The following MAPK4 variants were observed in gnomAD, a reference collection of about 807,000 sequenced individuals.
The protein encoded by MAPK4 is mitogen-activated protein kinase 4, also known as Erk3-related.
MAPK4 carries 22 observed loss-of-function variants against 47.7 expected under a neutral mutation model. That is an observed-to-expected ratio of 0.46 (90% CI 0.33 to 0.66). The LOEUF (loss-of-function observed/expected upper bound fraction) is 0.66, where lower values mean the gene tolerates loss of function less well. Among genes scored for constraint, MAPK4 ranks in the 30% least tolerant of loss-of-function variants. The probability of loss-of-function intolerance (pLI) is 0.02; values close to 1 mark genes in which losing one functional copy is unlikely to be tolerated. For missense variants in MAPK4, 736 were observed against 831.7 expected, an observed-to-expected ratio of 0.88 and a Z score of 1.42; for synonymous variants, 390 against 365.7, an observed-to-expected ratio of 1.07 and a Z score of -0.76.
intron 1 of MAPK4, among the ~76,000 whole-genome samples, chr18:50,656,693 G>C (rs2043113196): frequency 6.6e-6 from 1 of 152,124 alleles, no homozygotes; most frequent in Non-Finnish European, 1.5e-5. Flanking sequence ...GACTCACCCT[G>C]CTTCCTGCTA....
At chr18:50,702,082 A>T (rs1379594378) in intron 2 of MAPK4, among the ~76,000 whole-genome samples, 1 of 144,402 alleles carries the variant, frequency 6.9e-6, no homozygotes, top group Non-Finnish European at 1.5e-5. Context: ...GGATCGCTTG[A>T]GCCCAGGAGG....
At chr18:50,570,969 C>T (rs1043856350) in intron 1 of MAPK4, among the ~76,000 whole-genome samples, 2 of 151,892 alleles carry the variant, frequency 1.3e-5, no homozygotes, top group African/African-American at 4.8e-5. Flanking sequence ...TTTTTGAGTA[C>T]CTTTTTCCCT....
rs533571058 is a variant in MAPK4, at chr18:50,723,611, C to T, written c.853+1512C>T. 5.9e-5 allele frequency among the ~76,000 whole-genome samples: 9 copies of T among 152,228 alleles called. No individual in the cohort carries two copies. The South Asian group carries it at 1.9e-3, about 32-fold the overall frequency. On this transcript the variant is annotated intron_variant, in intron 4 of 5. Transcript: ENST00000400384. ...GGTGTGGTGGCTCAAGCCTGTAATC[C>T]CAGCACTTTGGGAGGCCGAGGCGGG...
At chr18:50,673,805 G>A (rs1386736989) in intron 2 of MAPK4, among the ~76,000 whole-genome samples, 6 of 152,240 alleles carry the variant, frequency 3.9e-5, no homozygotes, top group Admixed American at 2.0e-4. Flanking sequence ...GCAGTGAGCC[G>A]AGATTGTGCC....
At chr18:50,563,359 T>C (rs1598772790) in intron 1 of MAPK4, among the ~76,000 whole-genome samples, 2 of 152,318 alleles carry the variant, frequency 1.3e-5, no homozygotes, top group South Asian at 4.1e-4. Flanking sequence ...TAGAGTACTT[T>C]AGGTATTTGA....
At chr18:50,654,453 C>A (rs2043085509) in intron 1 of MAPK4, among the ~76,000 whole-genome samples, 1 of 152,208 alleles carries the variant, frequency 6.6e-6, no homozygotes, top group Non-Finnish European at 1.5e-5. Context: ...AGAACACAGC[C>A]CAAACAAAGC....
intron 1 of MAPK4, among the ~76,000 whole-genome samples, chr18:50,589,564 C>A (rs1257733645): frequency 6.7e-6 from 1 of 149,266 alleles, no homozygotes; most frequent in Non-Finnish European, 1.5e-5. Context: ...CCACTGCACT[C>A]CAGCCTGGGC....
chr18:50,628,365 G>T (rs190071426), intron 1 of MAPK4, among the ~76,000 whole-genome samples: 1 of 152,254 alleles, frequency 6.6e-6, no homozygotes, highest in Middle Eastern at 3.4e-3. Context: ...TTCCATTGCC[G>T]TCTGATCTCG....
chr18:50,637,463 T>G (rs2042897824), intron 1 of MAPK4, among the ~76,000 whole-genome samples: 1 of 152,136 alleles, frequency 6.6e-6, no homozygotes, highest in African/African-American at 2.4e-5. Context: ...TCAAAACCCC[T>G]CACTCTTAAC....
In MAPK4 at chr18:50,724,792, C is replaced by T. The variant is rs550939399; in HGVS notation, c.854-1170C>T. Among the ~76,000 whole-genome samples, 3 of 152,316 alleles carry T rather than the reference C, an allele frequency of 2.0e-5. No individual in the cohort carries two copies. In the South Asian group the frequency reaches 6.2e-4, roughly 32 times the overall value. On this transcript the variant is annotated intron_variant, in intron 4 of 5. Transcript: ENST00000400384. ...GGCAGGTTAATGGTGCAGGCTGAGG[C>T]CCACGAGGGAGCTCCTCGGAGGGAT...
At chr18:50,605,801 C>T (rs2042577877) in intron 1 of MAPK4, among the ~76,000 whole-genome samples, 1 of 152,178 alleles carries the variant, frequency 6.6e-6, no homozygotes, top group Non-Finnish European at 1.5e-5. Context: ...CTGGTTGCCA[C>T]TCTCCTGCTC....
rs74720647 is a variant in MAPK4, at chr18:50,580,830, C to T, written c.-871+20587C>T. Among the ~76,000 whole-genome samples, 100 of 152,310 alleles carry T rather than the reference C, an allele frequency of 6.6e-4. No individual in the cohort carries two copies. In the East Asian group the frequency reaches 0.016, roughly 24 times the overall value. On this transcript the variant is annotated intron_variant, in intron 1 of 5. Coordinates refer to ENST00000400384, the MANE Select transcript of MAPK4 (RefSeq NM_002747.4). ...TAAATCTTAGGGCAGAAACTTAAAT[C>T]GATTACAGAACTTCTTTTATACCCC...
intron 1 of MAPK4, among the ~76,000 whole-genome samples, chr18:50,657,733 G>A (rs935652101): frequency 2.6e-5 from 4 of 151,774 alleles, no homozygotes; most frequent in Admixed American, 6.6e-5. Context: ...CTAGGAGGCC[G>A]AGGCAAGGGA....
chr18:50,618,975 C>G (rs1284145227), intron 1 of MAPK4, among the ~76,000 whole-genome samples: 1 of 152,046 alleles, frequency 6.6e-6, no homozygotes, highest in Non-Finnish European at 1.5e-5. Context: ...TTTCTACGAC[C>G]TAGATTGGTT....
chr18:50,665,655 G>T (rs1907560276), intron 2 of MAPK4, among the ~76,000 whole-genome samples: 1 of 152,212 alleles, frequency 6.6e-6, no homozygotes, highest in African/African-American at 2.4e-5. Flanking sequence ...ATCACAGGGG[G>T]CAGGGAGCAG....
rs188073355 is a variant in MAPK4, at chr18:50,567,229, A to G, written c.-871+6986A>G. On this transcript the variant is annotated intron_variant, in intron 1 of 5. Coordinates refer to ENST00000400384, the MANE Select transcript of MAPK4 (RefSeq NM_002747.4). ...TACATTAGGTATTTCTTCTAATGCT[A>G]TCCCTCCCCTAACCCCCACTCCCTG... Among the ~76,000 whole-genome samples, 24 of 152,064 alleles carry G rather than the reference A, an allele frequency of 1.6e-4. 1 individual carries two copies. The East Asian group carries it at 4.4e-3, about 28-fold the overall frequency.
chr18:50,611,240 A>G (rs902930202), intron 1 of MAPK4, among the ~76,000 whole-genome samples: 1 of 152,218 alleles, frequency 6.6e-6, no homozygotes, highest in Admixed American at 6.5e-5. Context: ...CCAACCTCCA[A>G]TATACTCACT....
chr18:50,602,885 C>T lies in MAPK4; in HGVS notation c.-871+42642C>T, dbSNP rs374759513. ...AGGGAAGACCTCTGGTGCCTGAGTC[C>T]CCTATAATCCTGGAATATTGCAGCC... On this transcript the variant is annotated intron_variant, in intron 1 of 5. Coordinates refer to ENST00000400384, the MANE Select transcript of MAPK4 (RefSeq NM_002747.4). 2.0e-5 allele frequency among the ~76,000 whole-genome samples: 3 copies of T among 152,038 alleles called. 1 individual carries two copies. The South Asian group carries it at 6.2e-4, about 32-fold the overall frequency.
chr18:50,657,760 G>T (rs1187136951), intron 1 of MAPK4, among the ~76,000 whole-genome samples: 3 of 151,860 alleles, frequency 2.0e-5, no homozygotes, highest in Non-Finnish European at 2.9e-5. Flanking sequence ...TGAACATTCA[G>T]CCGTGCACAG....
Sources: gnomAD v4.1 joint callset for allele counts (sites outside exome capture counted in the v4.1 genomes callset) on GRCh38, gnomAD v4.1.1 for gene constraint, MANE v1.5 for transcripts, NCBI Gene and HGNC (gene_info 2026-07-23, HGNC 2026-07-21) for gene names.